The following TRIM42 variants were observed in gnomAD, a reference collection of about 807,000 sequenced individuals.
TRIM42 encodes the protein tripartite motif-containing protein 42.
TRIM42 carries 59 observed loss-of-function variants against 64.9 expected under a neutral mutation model. That is an observed-to-expected ratio of 0.91 (90% CI 0.74 to 1.13). The LOEUF (loss-of-function observed/expected upper bound fraction) is 1.13. Ranked by LOEUF, TRIM42 falls within the 50% of genes most tolerant of loss-of-function variation. TRIM42 has a pLI of 0.00. For synonymous variants in TRIM42, 354 were observed against 346.3 expected (o/e 1.02, Z -0.25); for missense variants, 878 against 929.5 (o/e 0.94, Z 0.72).
chr3:140,685,159 T>A (rs1397148512), intron 2 of TRIM42, among the ~76,000 whole-genome samples: 1 of 152,232 alleles, frequency 6.6e-6, no homozygotes, highest in East Asian at 1.9e-4. Context: ...TTTGATTCAC[T>A]TTTCTGGGAG....
chr3:140,694,692 C>T (rs549151101), intron 4 of TRIM42, among the ~76,000 whole-genome samples: 1 of 152,344 alleles, frequency 6.6e-6, no homozygotes, highest in Admixed American at 6.5e-5. Context: ...ATGGGTCTCA[C>T]TGGGTAAAAT....
chr3:140,681,761 T>C (rs1466265301), intron 1 of TRIM42, among the ~76,000 whole-genome samples: 1 of 152,126 alleles, frequency 6.6e-6, no homozygotes, highest in Non-Finnish European at 1.5e-5. Context: ...GAAAAGTTAT[T>C]ACAGGATTTG....
At chr3:140,685,045 T>C (rs1988514113) in intron 2 of TRIM42, among the ~76,000 whole-genome samples, 1 of 152,242 alleles carries the variant, frequency 6.6e-6, no homozygotes, top group Non-Finnish European at 1.5e-5. Flanking sequence ...GGATAATTGG[T>C]AAATTAGATA....
At chr3:140,692,281 G>A (rs1318675603) in intron 4 of TRIM42, among the ~76,000 whole-genome samples, 1 of 151,982 alleles carries the variant, frequency 6.6e-6, no homozygotes, top group African/African-American at 2.4e-5. Flanking sequence ...CCCAACCCCT[G>A]TGTGACCTTA....
rs1988987816 is a variant in TRIM42, at chr3:140,701,060, C to G, written c.*86C>G. The G allele has an allele frequency of 4.2e-6, 5 of 1,198,154 alleles. No homozygotes were observed. The highest frequency in any genetic ancestry group is 5.8e-6 in the Non-Finnish European group (5 of 857,006). 74.2% of individuals were successfully genotyped at this position (1,198,154 alleles called of 1,614,324 possible). ...ATATGTATGTATATTTTTCTCACCA[C>G]ATTCTTCAAGGAGGTTGTAGACAAA... On this transcript the variant is annotated 3_prime_UTR_variant, in exon 5 of 5. Coordinates refer to ENST00000286349, the MANE Select transcript of TRIM42 (RefSeq NM_152616.5).
chr3:140,689,576 G>T (rs1988652522), intron 3 of TRIM42, among the ~76,000 whole-genome samples: 1 of 151,920 alleles, frequency 6.6e-6, no homozygotes, highest in South Asian at 2.1e-4. Context: ...TAGTATTAAG[G>T]ATCTAACAAA....
intron 2 of TRIM42, among the ~76,000 whole-genome samples, chr3:140,684,673 A>G (rs1213115547): frequency 6.6e-6 from 1 of 152,180 alleles, no homozygotes; most frequent in East Asian, 1.9e-4. Context: ...CATTTATTTA[A>G]TTTTGGAACC....
intron 1 of TRIM42, 46 bp downstream of exon 1, chr3:140,678,616 C>G: frequency 2.0e-6 from 3 of 1,504,424 alleles, no homozygotes; most frequent in Non-Finnish European, 2.7e-6. Context: ...GTCATGAAAA[C>G]TAGGGACCAC....
intron 2 of TRIM42, 31 bp from the exon 3 acceptor site, chr3:140,687,691 T>G (rs1459282496): frequency 6.5e-7 from 1 of 1,550,336 alleles, no homozygotes; most frequent in Non-Finnish European, 8.7e-7. Flanking sequence ...AGATGAAAAT[T>G]TTAAAAGTAA....
rs375826126 is a variant in TRIM42 at position 140,682,959 on chromosome 3, C to T, written c.839C>T (p.Thr280Ile). 6.2e-7 allele frequency: 1 copy of T among 1,614,258 alleles called. No homozygotes were observed. Among genetic ancestry groups the T allele is most frequent in the African/African-American group, 1.3e-5 (1 of 75,064 alleles). Residue 280 changes from threonine (T) to isoleucine (I), a missense_variant, in exon 2 of 5, where the codon ACC becomes ATC. Physicochemically the swap from Thr to Ile is moderately conservative, Grantham distance 89. Transcript: ENST00000286349. The part of the protein sequence containing the change: ...VAMQDHVFVD[T>I]SAEEQDEKIC... Reference sequence around the variant, plus strand: ...ATGCAAGACCACGTCTTTGTGGACACCAGCGCCGAGGAACAGGACGAGAAG... The same window carrying T: ...ATGCAAGACCACGTCTTTGTGGACATCAGCGCCGAGGAACAGGACGAGAAG...
chr3:140,682,035 C>T (rs1182713265), intron 1 of TRIM42, among the ~76,000 whole-genome samples: 1 of 152,022 alleles, frequency 6.6e-6, no homozygotes, highest in African/African-American at 2.4e-5. Context: ...GTGGCCTTGT[C>T]TCATATTGTG....
chr3:140,700,389 T>C (rs1443512509), intron 4 of TRIM42, among the ~76,000 whole-genome samples: 1 of 152,224 alleles, frequency 6.6e-6, no homozygotes, highest in East Asian at 1.9e-4. Flanking sequence ...TATACTTCTC[T>C]AAGAATCTTC....
In TRIM42 at chr3:140,687,986, A is replaced by G; in HGVS notation, c.1304A>G (p.Lys435Arg). The change falls in exon 3 of 5, where the codon AAG becomes AGG. Residue 435 changes from lysine to arginine, a missense_variant. Coordinates refer to ENST00000286349, the MANE Select transcript of TRIM42 (RefSeq NM_152616.5). ...ATCGCCTACTCCAAGGAAGCCCTGA[A>G]GGAGACTGGCCAGGTGGCATTCCTG... Reference protein sequence around the residue: ...GLIAYSKEALKETGQVAFLQS... With the variant: ...GLIAYSKEALRETGQVAFLQS... 1 of 1,614,226 alleles carries G rather than the reference A, an allele frequency of 6.2e-7. No homozygotes were observed.
Position 140,687,795 on chromosome 3 carries a change from A to C in TRIM42, c.1113A>C (p.Ala371=), listed in dbSNP as rs1404146022. 6.2e-7 allele frequency: 1 copy of C among 1,614,236 alleles called. No homozygotes were observed. Among genetic ancestry groups the C allele is most frequent in the South Asian group, 1.1e-5 (1 of 91,084 alleles). ...LKNSFKADKE[A]KRKEIRNGFL... The stretch of plus-strand genomic sequence containing the variant: ...ACAGCTTTAAAGCTGACAAGGAGGC[A>C]AAGCGAAAAGAGATCAGAAATGGCT... The change falls in exon 3 of 5, where the codon GCA becomes GCC. Residue 371 remains alanine (A), a synonymous_variant. Coordinates refer to ENST00000286349, the MANE Select transcript of TRIM42 (RefSeq NM_152616.5).
chr3:140,678,105 GCAACTTT>G lies in TRIM42; in HGVS notation c.-121_-115del. ...AAGTCCTCATAACAGCCAACTTCTT[GCAACTTT>G]CAAGCTGACGGCCTCAGGAATGGGA... On this transcript the variant is annotated 5_prime_UTR_variant, in exon 1 of 5. Transcript: ENST00000286349. 1 of 886,690 alleles carries G rather than the reference GCAACTTT, an allele frequency of 1.1e-6. No homozygotes were observed. The highest frequency in any genetic ancestry group is 1.8e-6 in the Non-Finnish European group (1 of 559,002). The allele number at this position is 886,690 out of a possible 1,614,324, so 54.9% of individuals were successfully genotyped here. A position where few individuals can be genotyped will look rare whatever the true frequency, so the allele number is the denominator to read the frequency against.
At chr3:140,690,944 C>A in intron 3 of TRIM42, 24 bp from the exon 4 acceptor site, 1 of 1,559,456 alleles carries the variant, frequency 6.4e-7, no homozygotes, top group Non-Finnish European at 8.8e-7. Context: ...TAGTACCACA[C>A]CAGTATGTTC....
intron 1 of TRIM42, 35 bp downstream of exon 1, chr3:140,678,605 G>A (rs1198193736): frequency 1.3e-6 from 2 of 1,568,726 alleles, no homozygotes; most frequent in African/African-American, 2.7e-5. Context: ...GGCCGCATTG[G>A]GTCATGAAAA....
At position 140,700,868 on chromosome 3, in the gene TRIM42, C is replaced by T. The variant is rs773276305; in HGVS notation, c.2086-20C>T. The T allele has an allele frequency of 6.2e-7, 1 of 1,612,734 alleles. No individual in the cohort carries two copies. Among genetic ancestry groups the T allele is most frequent in the Non-Finnish European group, 8.5e-7 (1 of 1,178,872 alleles). ...AGCTGTTGTCTATTGGGTGTCATGA[C>T]TCTTCGCTTCTGATTGCAGGTGGTA... On this transcript the variant is annotated intron_variant, in intron 4 of 4. Transcript: ENST00000286349.
intron 4 of TRIM42, among the ~76,000 whole-genome samples, chr3:140,695,255 T>TA (rs904414502): frequency 6.6e-6 from 1 of 151,504 alleles, no homozygotes; most frequent in Non-Finnish European, 1.5e-5. Context: ...GTCAAAAAAA[T>TA]AAAAAAAGAC....
Sources: gnomAD v4.1 joint callset for allele counts (sites outside exome capture counted in the v4.1 genomes callset) on GRCh38, gnomAD v4.1.1 for gene constraint, MANE v1.5 for transcripts, NCBI Gene and HGNC (gene_info 2026-07-23, HGNC 2026-07-21) for gene names.